RUNX1: variants seen among roughly 807,000 people sequenced by gnomAD.
RUNX1 encodes RUNX family transcription factor 1, also known as runt-related transcription factor 1.
Under a neutral mutation model 42.8 loss-of-function variants are expected in RUNX1, and 19 were observed. The ratio of observed to expected loss-of-function variants is 0.44; its 90% CI spans 0.31 to 0.65. RUNX1 has a LOEUF of 0.65. Among genes scored for constraint, RUNX1 ranks in the 30% least tolerant of loss-of-function variants. The probability of loss-of-function intolerance (pLI) is 0.07; values close to 1 mark genes in which losing one functional copy is unlikely to be tolerated. For synonymous variants in RUNX1, 271 were observed against 289.4 expected (o/e 0.94, Z 0.64); for missense variants, 528 against 672.0 (o/e 0.79, Z 2.37).
chr21:34,861,231 G>A (rs1166555413), intron 5 of RUNX1, among the ~76,000 whole-genome samples: 3 of 152,208 alleles, frequency 2.0e-5, no homozygotes, highest in Non-Finnish European at 2.9e-5. Flanking sequence ...TCCTACCGTG[G>A]CATCTAGCTG....
At chr21:34,934,113 T>C (rs915573) in intron 2 of RUNX1, among the ~76,000 whole-genome samples, 148,015 of 152,284 alleles carry the variant, frequency 0.97, 71,963 homozygotes, top group East Asian at 1. Flanking sequence ...AGCTTTTCTG[T>C]GTATGTCCTG....
chr21:34,890,371 G>A (rs2058066802), intron 3 of RUNX1, among the ~76,000 whole-genome samples: 1 of 152,220 alleles, frequency 6.6e-6, no homozygotes, highest in Admixed American at 6.5e-5. Flanking sequence ...GAGCCCACTT[G>A]AGCTGGAACG....
chr21:34,889,480 G>A (rs1477067731), intron 3 of RUNX1, among the ~76,000 whole-genome samples: 1 of 152,140 alleles, frequency 6.6e-6, no homozygotes, highest in Non-Finnish European at 1.5e-5. Context: ...TCCTAGTCAG[G>A]AAAGACCCCA....
At chr21:34,889,423 C>T (rs1223775244) in intron 3 of RUNX1, among the ~76,000 whole-genome samples, 2 of 152,150 alleles carry the variant, frequency 1.3e-5, no homozygotes, top group African/African-American at 2.4e-5. Context: ...GGCTCGATCC[C>T]TCCGCGCGTC....
intron 7 of RUNX1, among the ~76,000 whole-genome samples, chr21:34,818,581 C>T (rs988898070): frequency 1.3e-5 from 2 of 152,148 alleles, no homozygotes; most frequent in African/African-American, 4.8e-5. Flanking sequence ...GGACTTGATT[C>T]GGGGCCAACA....
At chr21:35,010,452 A>C (rs2059117565) in intron 2 of RUNX1, among the ~76,000 whole-genome samples, 2 of 152,198 alleles carry the variant, frequency 1.3e-5, no homozygotes, top group South Asian at 4.1e-4. Context: ...ACATTAAGAC[A>C]TGTCCTTTGT....
At chr21:35,017,058 A>AGCTG (rs756584217) in intron 2 of RUNX1, among the ~76,000 whole-genome samples, 1 of 151,996 alleles carries the variant, frequency 6.6e-6, no homozygotes, top group Non-Finnish European at 1.5e-5. Context: ...GAGTGGGTGG[A>AGCTG]GCTGGCCTCC....
intron 2 of RUNX1, among the ~76,000 whole-genome samples, chr21:34,993,495 CCCTACACACA>C (rs1311597202): frequency 8.4e-6 from 1 of 119,020 alleles, no homozygotes; most frequent in African/African-American, 5.0e-5. Flanking sequence ...GTTTGTTTGT[CCCTACACACA>C]CACACACACA....
At chr21:34,809,498 C>T (rs150700703) in intron 7 of RUNX1, among the ~76,000 whole-genome samples, 1 of 152,116 alleles carries the variant, frequency 6.6e-6, no homozygotes, top group African/African-American at 2.4e-5. Flanking sequence ...GGACTGCACA[C>T]AGCTAAAGAA....
At chr21:35,039,795 T>A (rs115789094) in intron 2 of RUNX1, among the ~76,000 whole-genome samples, 1,628 of 152,312 alleles carry the variant, frequency 0.011, 31 homozygotes, top group African/African-American at 0.037. Flanking sequence ...CCTTTCACAG[T>A]GCTAATATTT....
intron 2 of RUNX1, among the ~76,000 whole-genome samples, chr21:34,941,148 C>G (rs1192369889): frequency 1.3e-5 from 2 of 152,234 alleles, no homozygotes; most frequent in Admixed American, 6.5e-5. Flanking sequence ...CTCTGATAAG[C>G]CTTCGTCCAC....
At chr21:35,035,761 A>AC (rs2059303362) in intron 2 of RUNX1, among the ~76,000 whole-genome samples, 1 of 151,982 alleles carries the variant, frequency 6.6e-6, no homozygotes, top group Non-Finnish European at 1.5e-5. Context: ...TTTGACGCGG[A>AC]CTCCAGATTC....
chr21:34,864,157 C>A (rs1323148449), intron 5 of RUNX1, among the ~76,000 whole-genome samples: 2 of 152,230 alleles, frequency 1.3e-5, no homozygotes, highest in African/African-American at 2.4e-5. Flanking sequence ...GTGGCCCCAC[C>A]CCATGGCGGC....
At chr21:35,044,501 TC>T (rs2059382571) in intron 2 of RUNX1, among the ~76,000 whole-genome samples, 1 of 152,202 alleles carries the variant, frequency 6.6e-6, no homozygotes, top group Non-Finnish European at 1.5e-5. Context: ...ACTATTGCAA[TC>T]CTTACTCTGC....
At chr21:34,995,435 C>CTTT (rs5843694) in intron 2 of RUNX1, among the ~76,000 whole-genome samples, 1,285 of 82,044 alleles carry the variant, frequency 0.016, 8 homozygotes, top group Middle Eastern at 0.029. Flanking sequence ...TTTCTGGGAG[C>CTTT]TTTTTTTTTT....
At position 34,837,169 on chromosome 21, in the gene RUNX1, G is replaced by A. The variant is rs80269218; in HGVS notation, c.614-2568C>T. Among the ~76,000 whole-genome samples the A allele has an allele frequency of 1.8e-3, 273 of 152,310 alleles. 1 individual carries two copies. Among genetic ancestry groups the A allele is most frequent in the Middle Eastern group, 0.017 (5 of 294 alleles). On this transcript the variant is annotated intron_variant, in intron 6 of 8. Transcript: ENST00000675419. ...CAGAAGTGTTCAGGCATAACTCTCA[G>A]AGAAAACAATTCTTCACTCTAAGCT...
At chr21:35,034,622 T>G (rs761436187) in intron 2 of RUNX1, among the ~76,000 whole-genome samples, 21 of 152,160 alleles carry the variant, frequency 1.4e-4, no homozygotes, top group Non-Finnish European at 2.6e-4. Context: ...AGGGAAGGGT[T>G]GTCACTAGTG....
intron 2 of RUNX1, among the ~76,000 whole-genome samples, chr21:35,033,918 T>C (rs921435274): frequency 2.0e-5 from 3 of 152,226 alleles, no homozygotes; most frequent in Non-Finnish European, 4.4e-5. Flanking sequence ...CTTCCAATAA[T>C]TTTAAAAGAG....
intron 7 of RUNX1, among the ~76,000 whole-genome samples, chr21:34,809,852 G>A (rs1238827481): frequency 7.2e-5 from 11 of 152,284 alleles, no homozygotes; most frequent in Non-Finnish European, 1.5e-4. Context: ...GTGACTTTAC[G>A]TCTGGGACTG....
Sources: gnomAD v4.1 joint callset for allele counts (sites outside exome capture counted in the v4.1 genomes callset) on GRCh38, gnomAD v4.1.1 for gene constraint, MANE v1.5 for transcripts, NCBI Gene and HGNC (gene_info 2026-07-23, HGNC 2026-07-21) for gene names.